Variants in UGGT2 observed in about 807,000 individuals in gnomAD.
The protein encoded by UGGT2 is UDP-glucose glycoprotein glucosyltransferase 2, also known as UDP-glucose:glycoprotein glucosyltransferase 2.
In UGGT2, 180 loss-of-function variants were observed where a neutral mutation model predicts 192.1. The observed-to-expected ratio is 0.94, with a 90% confidence interval of 0.83 to 1.06. The LOEUF (loss-of-function observed/expected upper bound fraction) is 1.06. Among genes scored for constraint, UGGT2 ranks in the 50% least tolerant of loss-of-function variants. UGGT2 has a pLI of 0.00. For missense variants in UGGT2, 1,849 were observed against 1,795.7 expected (o/e 1.03, Z -0.54); for synonymous variants, 580 against 591.0 (o/e 0.98, Z 0.27).
At chr13:95,967,006 GT>G (rs546424944) in intron 12 of UGGT2, among the ~76,000 whole-genome samples, 5 of 152,062 alleles carry the variant, frequency 3.3e-5, no homozygotes, top group Non-Finnish European at 7.4e-5. Flanking sequence ...TAGATAACTA[GT>G]TTCTACTTTG....
chr13:96,008,113 G>A (rs1049423198), intron 5 of UGGT2, among the ~76,000 whole-genome samples: 1 of 152,156 alleles, frequency 6.6e-6, no homozygotes, highest in Non-Finnish European at 1.5e-5. Context: ...AATGCTCCAG[G>A]ACATTGGTCT....
At chr13:95,975,265 G>C (rs1451469203) in intron 10 of UGGT2, among the ~76,000 whole-genome samples, 2 of 152,162 alleles carry the variant, frequency 1.3e-5, no homozygotes, top group African/African-American at 4.8e-5. Flanking sequence ...GCCAATCTCA[G>C]AAGAACAAGA....
chr13:96,019,363 G>A (rs1270142748), intron 4 of UGGT2, among the ~76,000 whole-genome samples: 1 of 152,110 alleles, frequency 6.6e-6, no homozygotes, highest in Non-Finnish European at 1.5e-5. Flanking sequence ...TTCTACACAG[G>A]CAGTGGGTAT....
chr13:95,825,159 A>G (rs1217461180), intron 38 of UGGT2, among the ~76,000 whole-genome samples: 1 of 152,104 alleles, frequency 6.6e-6, no homozygotes, highest in East Asian at 1.9e-4. Flanking sequence ...GGTCTCTTGA[A>G]GCTTACCTCA....
intron 2 of UGGT2, among the ~76,000 whole-genome samples, chr13:96,027,568 T>A (rs938224033): frequency 6.6e-6 from 1 of 152,146 alleles, no homozygotes; most frequent in African/African-American, 2.4e-5. Context: ...TTAAAAAAAA[T>A]AAGTGGCAGC....
chr13:95,906,480 G>T (rs1269720670), intron 20 of UGGT2, among the ~76,000 whole-genome samples: 1 of 152,026 alleles, frequency 6.6e-6, no homozygotes, highest in Non-Finnish European at 1.5e-5. Flanking sequence ...AGAAACGTGG[G>T]ACACCATTAA....
intron 4 of UGGT2, among the ~76,000 whole-genome samples, chr13:96,015,138 C>T (rs1309994829): frequency 1.3e-5 from 2 of 151,676 alleles, no homozygotes. Context: ...ATTAGCCGGG[C>T]GTGGTGGCAG....
intron 36 of UGGT2, among the ~76,000 whole-genome samples, chr13:95,843,222 T>A (rs962746585): frequency 6.6e-6 from 1 of 152,230 alleles, no homozygotes; most frequent in Non-Finnish European, 1.5e-5. Context: ...TTAGCCATTT[T>A]ACACTCATTT....
intron 17 of UGGT2, among the ~76,000 whole-genome samples, chr13:95,928,799 C>T (rs906416585): frequency 2.0e-5 from 3 of 151,958 alleles, no homozygotes; most frequent in African/African-American, 4.8e-5. Context: ...GGGTGGCGGC[C>T]GGGCAGAGGC....
At chr13:95,964,407 G>A (rs984767409) in intron 12 of UGGT2, among the ~76,000 whole-genome samples, 2 of 151,944 alleles carry the variant, frequency 1.3e-5, no homozygotes, top group Non-Finnish European at 2.9e-5. Context: ...TGGTCTAATA[G>A]GTAAAGATTT....
intron 38 of UGGT2, among the ~76,000 whole-genome samples, chr13:95,803,410 G>A (rs184572546): frequency 7.0e-4 from 106 of 152,066 alleles, no homozygotes; most frequent in Middle Eastern, 3.4e-3. Context: ...ACAGGCATGC[G>A]CCACCACGCC....
intron 11 of UGGT2, among the ~76,000 whole-genome samples, chr13:95,970,500 C>T (rs1236470456): frequency 6.6e-6 from 1 of 151,822 alleles, no homozygotes; most frequent in African/African-American, 2.4e-5. Flanking sequence ...GATAAAACAA[C>T]AAAGACTATT....
At chr13:96,043,214 C>T (rs960140486) in intron 1 of UGGT2, among the ~76,000 whole-genome samples, 1 of 152,174 alleles carries the variant, frequency 6.6e-6, no homozygotes, top group African/African-American at 2.4e-5. Flanking sequence ...GCCCTATCTT[C>T]TGCCTCTTAA....
chr13:95,901,110 A>T (rs926266072), intron 21 of UGGT2, among the ~76,000 whole-genome samples, 172 bp from the exon 22 acceptor site: 4 of 152,126 alleles, frequency 2.6e-5, no homozygotes, highest in African/African-American at 9.7e-5. Context: ...TGTTTTGACA[A>T]GTCATTTATA....
intron 8 of UGGT2, chr13:95,989,745 T>C (rs572414417): frequency 6.0e-6 from 2 of 333,064 alleles, no homozygotes; most frequent in South Asian, 5.4e-5. Flanking sequence ...GAAATAACAT[T>C]GAATAACCTC....
chr13:95,907,045 A>G (rs1463929617), intron 20 of UGGT2, among the ~76,000 whole-genome samples: 1 of 152,146 alleles, frequency 6.6e-6, no homozygotes, highest in African/African-American at 2.4e-5. Flanking sequence ...AAAATGGGAC[A>G]CTTCTGCCCA....
chr13:95,942,221 G>GGTGTGTGGGT (rs2049708024), intron 15 of UGGT2, among the ~76,000 whole-genome samples: 1 of 117,992 alleles, frequency 8.5e-6, no homozygotes, highest in African/African-American at 3.2e-5. Context: ...TTAGGGTGAG[G>GGTGTGTGGGT]GTGTGTGTGT....
At chr13:95,904,865 C>T (rs968946408) in intron 20 of UGGT2, among the ~76,000 whole-genome samples, 11 of 151,236 alleles carry the variant, frequency 7.3e-5, no homozygotes, top group African/African-American at 2.7e-4. Context: ...CCTGAGGAAT[C>T]GCCACACTGA....
chr13:95,936,762 G>A (rs1014313858), intron 17 of UGGT2, among the ~76,000 whole-genome samples, 162 bp downstream of exon 17: 1 of 152,238 alleles, frequency 6.6e-6, no homozygotes, highest in Non-Finnish European at 1.5e-5. Flanking sequence ...CACAGGCAGG[G>A]TGGCGTGGCT....
Sources: allele counts gnomAD v4.1 joint callset (sites outside exome capture counted in the v4.1 genomes callset), GRCh38; gene constraint gnomAD v4.1.1; transcripts MANE v1.5; gene names NCBI Gene and HGNC (gene_info 2026-07-23, HGNC 2026-07-21).